Variants in WWOX observed in about 807,000 individuals in gnomAD.
WWOX encodes WW domain-containing oxidoreductase.
WWOX carries 69 observed loss-of-function variants against 46.2 expected under a neutral mutation model. That is an observed-to-expected ratio of 1.49 (90% CI 1.23 to 1.82). The LOEUF is 1.82. Among genes scored for constraint, WWOX ranks in the 40% most tolerant of loss-of-function variants. The pLI is 0.00. For synonymous variants in WWOX, 359 were observed against 202.6 expected (o/e 1.77, Z -6.56); for missense variants, 919 against 542.6 (o/e 1.69, Z -6.89).
intron 8 of WWOX, among the ~76,000 whole-genome samples, chr16:78,621,209 T>C (rs370044554): frequency 1.3e-5 from 2 of 152,162 alleles, no homozygotes; most frequent in Non-Finnish European, 2.9e-5. Flanking sequence ...TTAAAGTTAA[T>C]GGCCAGAATA....
intron 8 of WWOX, among the ~76,000 whole-genome samples, chr16:78,556,594 G>C (rs147020917): frequency 0.011 from 1,609 of 152,244 alleles, 26 homozygotes; most frequent in Middle Eastern, 0.048. Flanking sequence ...GTGAGTTGCC[G>C]TGCCCACCAC....
chr16:78,781,387 C>T (rs2050319668), intron 8 of WWOX, among the ~76,000 whole-genome samples: 2 of 152,138 alleles, frequency 1.3e-5, no homozygotes, highest in Admixed American at 6.5e-5. Flanking sequence ...ACTGGTATTC[C>T]GTCAGTCTTA....
At chr16:78,306,242 GAAT>G (rs2080132943) in intron 5 of WWOX, among the ~76,000 whole-genome samples, 1 of 152,174 alleles carries the variant, frequency 6.6e-6, no homozygotes, top group Admixed American at 6.5e-5. Flanking sequence ...CGCATTTATG[GAAT>G]AATAACATTC....
In WWOX at chr16:78,386,864, A is replaced by C; in HGVS notation, c.521A>C (p.Lys174Thr). The C allele has an allele frequency of 1.2e-6, 2 of 1,613,918 alleles. No individual in the cohort carries two copies. The highest frequency in any genetic ancestry group is 4.5e-5 in the East Asian group (2 of 44,882). Reference protein sequence around the residue: ...AVSRILEEWHKAKVEAMTLDL... With the variant: ...AVSRILEEWHTAKVEAMTLDL... ...TTTTATTTTCTCTCATTGCAGCATA[A>C]AGCCAAGGTAGAAGCAATGACCCTG... The change falls in exon 6 of 9, where the codon AAA becomes ACA. Residue 174 changes from lysine to threonine, a missense_variant. Coordinates refer to ENST00000566780, the MANE Select transcript of WWOX (RefSeq NM_016373.4).
chr16:78,610,377 G>A (rs552031017), intron 8 of WWOX, among the ~76,000 whole-genome samples: 94 of 152,134 alleles, frequency 6.2e-4, no homozygotes, highest in African/African-American at 2.1e-3. Context: ...TATTGAAGGT[G>A]GTATACTAAA....
chr16:79,010,431 G>C (rs796835206), intron 8 of WWOX, among the ~76,000 whole-genome samples: 4 of 152,280 alleles, frequency 2.6e-5, no homozygotes, highest in East Asian at 3.9e-4. Context: ...TGAACACGGA[G>C]GACCTGCCAC....
intron 8 of WWOX, chr16:78,890,524 A>T (rs1351906281): frequency 6.6e-6 from 1 of 152,178 alleles, no homozygotes; most frequent in Non-Finnish European, 1.5e-5. Context: ...CTTCCCTGAA[A>T]TGGTGCTGAT....
Position 78,386,842 on chromosome 16 carries a change from T to C in WWOX, c.517-18T>C, listed in dbSNP as rs1347279380. On this transcript the variant is annotated intron_variant, in intron 5 of 8. Coordinates refer to ENST00000566780, the MANE Select transcript of WWOX (RefSeq NM_016373.4). ...CTTGCTGTTATTTATCATTTCTTTT[T>C]ATTTTCTCTCATTGCAGCATAAAGC... 1 of 1,607,110 alleles carries C rather than the reference T, an allele frequency of 6.2e-7. No individual in the cohort carries two copies. The highest frequency in any genetic ancestry group is 8.5e-7 in the Non-Finnish European group (1 of 1,173,556).
chr16:78,500,460 T>G (rs1185223463), intron 8 of WWOX, among the ~76,000 whole-genome samples: 1 of 151,730 alleles, frequency 6.6e-6, no homozygotes, highest in African/African-American at 2.4e-5. Context: ...TTTTGTTTGT[T>G]TTTTTTTAGA....
intron 8 of WWOX, among the ~76,000 whole-genome samples, chr16:79,109,997 T>C (rs1185385373): frequency 2.6e-5 from 4 of 152,218 alleles, no homozygotes; most frequent in Non-Finnish European, 4.4e-5. Context: ...CAGCCCGTTA[T>C]GTCGCAAGGG....
At position 78,678,833 on chromosome 16, in the gene WWOX, C is replaced by T. The variant is rs369313457; in HGVS notation, c.1056+246081C>T. ...TCCCCTCATTGACTTCTCAGAGCAG[C>T]TCCATAAAGAGTCCCTGTGCTTCCC... On this transcript the variant is annotated intron_variant, in intron 8 of 8. Transcript: ENST00000566780. Among the ~76,000 whole-genome samples, 127 of 152,232 alleles carry T rather than the reference C, an allele frequency of 8.3e-4. 1 individual carries two copies. Among genetic ancestry groups the T allele is most frequent in the African/African-American group, 2.9e-3 (120 of 41,542 alleles).
At chr16:78,277,538 G>C (rs1008166962) in intron 5 of WWOX, among the ~76,000 whole-genome samples, 11 of 152,034 alleles carry the variant, frequency 7.2e-5, no homozygotes, top group African/African-American at 2.4e-4. Flanking sequence ...GTAAATCAAA[G>C]CTGGGCAGGG....
chr16:78,569,777 C>G (rs1210023773), intron 8 of WWOX, among the ~76,000 whole-genome samples: 5 of 152,126 alleles, frequency 3.3e-5, no homozygotes, highest in African/African-American at 1.2e-4. Context: ...ACCTTTTATC[C>G]TCTTCTTATT....
At chr16:78,947,528 G>T (rs191774396) in intron 8 of WWOX, among the ~76,000 whole-genome samples, 2 of 151,850 alleles carry the variant, frequency 1.3e-5, no homozygotes, top group South Asian at 2.1e-4. Context: ...GGAGCCTTTC[G>T]GCTGGAAAGC....
intron 8 of WWOX, among the ~76,000 whole-genome samples, chr16:78,542,719 A>T (rs1340573993): frequency 2.0e-5 from 3 of 152,232 alleles, no homozygotes; most frequent in Admixed American, 6.5e-5. Flanking sequence ...TCAGCCCTCT[A>T]AACTGGCATA....
chr16:78,310,571 CACCCCGGTGCTTCTGCATGCA>C (rs1436988763), intron 5 of WWOX, among the ~76,000 whole-genome samples: 1 of 152,176 alleles, frequency 6.6e-6, no homozygotes, highest in African/African-American at 2.4e-5. Context: ...GAATGCATGC[CACCCCGGTGCTTCTGCATGCA>C]AAGGGTGCGG....
intron 8 of WWOX, among the ~76,000 whole-genome samples, chr16:78,776,755 C>G (rs956302399): frequency 2.0e-5 from 3 of 152,046 alleles, no homozygotes; most frequent in African/African-American, 7.2e-5. Flanking sequence ...AGCTAGTGCA[C>G]CTTACATGGC....
At chr16:78,726,715 T>G (rs2048845447) in intron 8 of WWOX, among the ~76,000 whole-genome samples, 1 of 112,288 alleles carries the variant, frequency 8.9e-6, no homozygotes, top group Non-Finnish European at 1.7e-5. Context: ...GGTTTTGTTT[T>G]GTTTTGTTCC....
intron 8 of WWOX, among the ~76,000 whole-genome samples, chr16:78,669,280 C>T (rs1366250378): frequency 1.3e-5 from 2 of 152,234 alleles, no homozygotes; most frequent in African/African-American, 4.8e-5. Flanking sequence ...CATGGCAGTG[C>T]CTAAGCAATT....
Sources: allele counts gnomAD v4.1 joint callset (sites outside exome capture counted in the v4.1 genomes callset), GRCh38; gene constraint gnomAD v4.1.1; transcripts MANE v1.5; gene names NCBI Gene and HGNC (gene_info 2026-07-23, HGNC 2026-07-21).